The following RPAP2 variants were observed in gnomAD, a reference collection of about 807,000 sequenced individuals.
RPAP2 encodes the protein putative RNA polymerase II subunit B1 CTD phosphatase RPAP2.
A neutral mutation model predicts 73.1 loss-of-function variants in RPAP2; 52 were observed. The observed-to-expected ratio is 0.71, with a 90% confidence interval of 0.57 to 0.90. The LOEUF is 0.90. RPAP2 is among the 40% of genes least tolerant of loss of function. The pLI, the probability that RPAP2 is intolerant of heterozygous loss-of-function variation, is 0.00. For missense variants in RPAP2, 598 were observed against 701.8 expected (o/e 0.85, Z 1.67); for synonymous variants, 225 against 242.1 (o/e 0.93, Z 0.65).
At chr1:92,349,631 C>A (rs1654096605) in intron 11 of RPAP2, among the ~76,000 whole-genome samples, 1 of 152,172 alleles carries the variant, frequency 6.6e-6, no homozygotes, top group Non-Finnish European at 1.5e-5. Context: ...GATGTATTAA[C>A]ATTTTTTAAA....
At chr1:92,334,129 G>T (rs1653133220) in intron 9 of RPAP2, among the ~76,000 whole-genome samples, 1 of 152,130 alleles carries the variant, frequency 6.6e-6, no homozygotes, top group Non-Finnish European at 1.5e-5. Flanking sequence ...ACATGGAAAA[G>T]TGTGTCAGTC....
intron 11 of RPAP2, among the ~76,000 whole-genome samples, chr1:92,349,162 A>T (rs192433615): frequency 9.1e-4 from 138 of 152,346 alleles, no homozygotes; most frequent in African/African-American, 3.2e-3. Context: ...TTTTTAAGTC[A>T]CAACTTGTAG....
rs967686713 is a variant in RPAP2, at chr1:92,395,238, G to T, written c.*8227G>T. 1 of 151,988 alleles carries T rather than the reference G, an allele frequency of 6.6e-6. No homozygotes were observed. The highest frequency in any genetic ancestry group is 1.5e-5 in the Non-Finnish European group (1 of 67,996). The allele number at this position is 151,988 out of a possible 1,614,324, so 9.4% of individuals were successfully genotyped here. Reference sequence around the variant, plus strand: ...CATGGGAGAAAACCTAGATGACCTTGGTTTAGGAAGAATTCTTAAGACACT... The same window carrying T: ...CATGGGAGAAAACCTAGATGACCTTTGTTTAGGAAGAATTCTTAAGACACT... On this transcript the variant is annotated 3_prime_UTR_variant, in exon 13 of 13. Coordinates refer to ENST00000610020, the MANE Select transcript of RPAP2 (RefSeq NM_024813.3).
intron 8 of RPAP2, among the ~76,000 whole-genome samples, chr1:92,331,353 G>A (rs1316329936): frequency 6.6e-6 from 1 of 152,136 alleles, no homozygotes; most frequent in Non-Finnish European, 1.5e-5. Flanking sequence ...TTGGTATACA[G>A]TATTTGGGTT....
intron 6 of RPAP2, among the ~76,000 whole-genome samples, chr1:92,313,550 G>T (rs1383320077): frequency 6.6e-6 from 1 of 151,800 alleles, no homozygotes; most frequent in Non-Finnish European, 1.5e-5. Flanking sequence ...TCCATTTATG[G>T]AACACAAGCA....
chr1:92,370,927 AC>A (rs951770945), intron 11 of RPAP2, among the ~76,000 whole-genome samples: 2 of 152,228 alleles, frequency 1.3e-5, no homozygotes, highest in African/African-American at 4.8e-5. Context: ...TGGTGAAGAT[AC>A]CTGGAAAAGG....
chr1:92,325,726 T>A (rs753493985), intron 8 of RPAP2, among the ~76,000 whole-genome samples: 15 of 152,022 alleles, frequency 9.9e-5, no homozygotes, highest in Non-Finnish European at 1.9e-4. Flanking sequence ...CCCATATATA[T>A]CCCCTCCTAA....
chr1:92,379,429 C>CT (rs1655524976), intron 11 of RPAP2, among the ~76,000 whole-genome samples: 1 of 152,056 alleles, frequency 6.6e-6, no homozygotes, highest in Admixed American at 6.6e-5. Flanking sequence ...AAGTCAGGGT[C>CT]TTTAATCTTT....
chr1:92,344,089 A>T (rs1263249540), intron 10 of RPAP2, among the ~76,000 whole-genome samples: 1 of 152,040 alleles, frequency 6.6e-6, no homozygotes. Context: ...AATATTTAGT[A>T]TTTAGTCTGT....
Position 92,397,706 on chromosome 1 carries a change from G to A in RPAP2, c.*10695G>A, listed in dbSNP as rs1215003979. The stretch of plus-strand genomic sequence containing the variant: ...TTTGGTTTCTAAATATTTTCCAATA[G>A]AAAAGAACCCAGGCTTCTTGAGAAA... On this transcript the variant is annotated 3_prime_UTR_variant, in exon 13 of 13. Transcript: ENST00000610020. 6.6e-6 allele frequency: 1 copy of A among 152,188 alleles called. No individual in the cohort carries two copies. The highest frequency in any genetic ancestry group is 1.5e-5 in the Non-Finnish European group (1 of 68,026). 9.4% of individuals were successfully genotyped at this position (152,188 alleles called of 1,614,324 possible).
At chr1:92,330,995 G>T (rs987173199) in intron 8 of RPAP2, among the ~76,000 whole-genome samples, 2 of 152,166 alleles carry the variant, frequency 1.3e-5, no homozygotes, top group African/African-American at 4.8e-5. Context: ...CACTGTTGGG[G>T]TGTGGTGGTT....
chr1:92,384,035 C>G (rs1372147263), intron 12 of RPAP2, among the ~76,000 whole-genome samples: 2 of 151,642 alleles, frequency 1.3e-5, no homozygotes, highest in African/African-American at 4.8e-5. Context: ...TCTCAGCTCA[C>G]TGCAACACCT....
At chr1:92,339,573 C>T (rs1038229768) in intron 10 of RPAP2, among the ~76,000 whole-genome samples, 3 of 152,116 alleles carry the variant, frequency 2.0e-5, no homozygotes, top group Non-Finnish European at 2.9e-5. Flanking sequence ...AGAACTTTTA[C>T]TGAATGGAGA....
At chr1:92,374,368 A>T (rs899616043) in intron 11 of RPAP2, among the ~76,000 whole-genome samples, 4 of 152,150 alleles carry the variant, frequency 2.6e-5, no homozygotes, top group African/African-American at 9.7e-5. Context: ...AAGTCTGTTC[A>T]TTTTTCACTG....
Position 92,330,488 on chromosome 1 carries a change from C to A in RPAP2, c.1456-2903C>A, listed in dbSNP as rs375395838. On this transcript the variant is annotated intron_variant, in intron 8 of 12. Coordinates refer to ENST00000610020, the MANE Select transcript of RPAP2 (RefSeq NM_024813.3). ...TTTTGAGATGGAATCTTCTCTGTTGCCCAGTCTGGAGTGCAATGGTGCCAT... is the reference window on the plus strand; with the variant it reads ...TTTTGAGATGGAATCTTCTCTGTTGACCAGTCTGGAGTGCAATGGTGCCAT... Among the ~76,000 whole-genome samples, 8 of 123,558 alleles carry A rather than the reference C, an allele frequency of 6.5e-5. No individual in the cohort carries two copies. The East Asian group carries it at 1.3e-3, about 20-fold the overall frequency. The allele number at this position is 123,558 out of a possible 152,430, so 81.1% of individuals were successfully genotyped here.
chr1:92,364,364 A>G (rs1000608565), intron 11 of RPAP2, among the ~76,000 whole-genome samples: 1 of 152,210 alleles, frequency 6.6e-6, no homozygotes, highest in Non-Finnish European at 1.5e-5. Flanking sequence ...AGTTCAAAAA[A>G]TCAAGACAAA....
In RPAP2 at chr1:92,360,545, TAGAC is replaced by T. The variant is rs538786570; in HGVS notation, c.1688+14634_1688+14637del. 4.5e-3 allele frequency among the ~76,000 whole-genome samples: 681 copies of T among 152,212 alleles called. 3 individuals carry two copies. The highest frequency in any genetic ancestry group is 0.016 in the African/African-American group (660 of 41,512). ...TTGGTAGCAGAGGGGAAGGAGACGT[TAGAC>T]AGGCAAGGCTGGAAGAACTAGAGGG... On this transcript the variant is annotated intron_variant, in intron 11 of 12. Coordinates refer to ENST00000610020, the MANE Select transcript of RPAP2 (RefSeq NM_024813.3).
intron 6 of RPAP2, among the ~76,000 whole-genome samples, chr1:92,315,661 T>G (rs1313039900): frequency 6.6e-6 from 1 of 152,210 alleles, no homozygotes; most frequent in Non-Finnish European, 1.5e-5. Flanking sequence ...ACTACCTCAT[T>G]GGTATAGATG....
intron 6 of RPAP2, among the ~76,000 whole-genome samples, chr1:92,314,588 A>G (rs1406156363): frequency 6.6e-6 from 1 of 151,446 alleles, no homozygotes; most frequent in Non-Finnish European, 1.5e-5. Context: ...CATCTCTACT[A>G]AAAATACAAA....
Sources: allele counts gnomAD v4.1 joint callset (sites outside exome capture counted in the v4.1 genomes callset), GRCh38; gene constraint gnomAD v4.1.1; transcripts MANE v1.5; gene names NCBI Gene and HGNC (gene_info 2026-07-23, HGNC 2026-07-21).